Variants in TRIM33 observed in about 807,000 individuals in gnomAD.
The protein encoded by TRIM33 is E3 ubiquitin-protein ligase TRIM33.
TRIM33 carries 20 observed loss-of-function variants against 125.4 expected under a neutral mutation model. That is an observed-to-expected ratio of 0.16 (90% confidence interval 0.11 to 0.23). The LOEUF (loss-of-function observed/expected upper bound fraction) is 0.23, where lower values mean the gene tolerates loss of function less well. TRIM33 is among the 10% of genes least tolerant of loss of function. TRIM33 has a pLI of 1.00. For missense variants in TRIM33, 920 were observed against 1,411.4 expected (o/e 0.65, Z 5.58); for synonymous variants, 564 against 513.9 (o/e 1.10, Z -1.32).
At position 114,478,675 on chromosome 1, in the gene TRIM33, A is replaced by G. The variant is rs1651117403; in HGVS notation, c.527-14287T>C. ...AAAGCCTCAACAAATAAGAAGTCTT[A>G]AGAGCGAACTATAAAAAGAAGCCAC... On this transcript the variant is annotated intron_variant, in intron 1 of 19. Coordinates refer to ENST00000358465, the MANE Select transcript of TRIM33 (RefSeq NM_015906.4). 2.0e-5 allele frequency among the ~76,000 whole-genome samples: 3 copies of G among 152,242 alleles called. 1 individual carries two copies. Among genetic ancestry groups the G allele is most frequent in the Admixed American group, 2.0e-4 (3 of 15,290 alleles).
At chr1:114,461,814 G>A (rs1353080658) in intron 4 of TRIM33, among the ~76,000 whole-genome samples, 1 of 152,100 alleles carries the variant, frequency 6.6e-6, no homozygotes, top group African/African-American at 2.4e-5. Flanking sequence ...GTCTTACTGA[G>A]ACTGTTAGCA....
At chr1:114,439,425 C>T (rs1312622489) in intron 4 of TRIM33, among the ~76,000 whole-genome samples, 3 of 133,772 alleles carry the variant, frequency 2.2e-5, no homozygotes, top group East Asian at 2.3e-4. Context: ...GCCAAGATTG[C>T]GCCACGGCAC....
In TRIM33 at chr1:114,439,537, C is replaced by CAA. The variant is rs71090776; in HGVS notation, c.924-5806_924-5805dup. Among the ~76,000 whole-genome samples the CAA allele has an allele frequency of 8.9e-4, 112 of 125,488 alleles. 1 individual carries two copies. Among genetic ancestry groups the CAA allele is most frequent in the Middle Eastern group, 4.2e-3 (1 of 238 alleles). The allele number at this position is 125,488 out of a possible 152,430, so 82.3% of individuals were successfully genotyped here. A position where few individuals can be genotyped will look rare whatever the true frequency, so the allele number is the denominator to read the frequency against. ...TCCTACCCAAAATGAAGCCCTCCAT[C>CAA]AAAAAAAAAACAGTGAGCAGTGAAA... On this transcript the variant is annotated intron_variant, in intron 4 of 19. Coordinates refer to ENST00000358465, the MANE Select transcript of TRIM33 (RefSeq NM_015906.4).
chr1:114,418,314 C>T (rs999505476), intron 11 of TRIM33, among the ~76,000 whole-genome samples: 3 of 152,210 alleles, frequency 2.0e-5, no homozygotes, highest in Middle Eastern at 3.2e-3. Context: ...GATTACAATT[C>T]GAGGTGAGAT....
intron 4 of TRIM33, among the ~76,000 whole-genome samples, chr1:114,461,897 A>C (rs1179401514): frequency 6.6e-6 from 1 of 152,246 alleles, no homozygotes; most frequent in Non-Finnish European, 1.5e-5. Flanking sequence ...AAATTTAATA[A>C]ATATACTGTA....
Position 114,510,929 on chromosome 1 carries a change from C to T in TRIM33, c.148G>A (p.Gly50Ser). 1.4e-6 allele frequency: 2 copies of T among 1,420,284 alleles called. No homozygotes were observed. Among genetic ancestry groups the T allele is most frequent in the Non-Finnish European group, 1.8e-6 (2 of 1,091,222 alleles). 88.0% of individuals were successfully genotyped at this position (1,420,284 alleles called of 1,614,324 possible). Residue 50 changes from glycine to serine, a missense_variant, in exon 1 of 20, where the codon GGC becomes AGC. Gly to Ser is a moderately conservative substitution (Grantham distance 56). Transcript: ENST00000358465. Reference sequence around the variant, plus strand: ...CCGCCCTCAGCGCCGGCCCTGCCGCCTTCCTCCTCCTCCTCCTCCACCAGC... The same window carrying T: ...CCGCCCTCAGCGCCGGCCCTGCCGCTTTCCTCCTCCTCCTCCTCCACCAGC... ...AVLVEEEEEEGGRAGAEGGAA... is the reference protein window; with the variant it reads ...AVLVEEEEEESGRAGAEGGAA...
At position 114,427,912 on chromosome 1, in the gene TRIM33, C is replaced by T. The variant is rs1169853670; in HGVS notation, c.1156-18G>A. 6.2e-7 allele frequency: 1 copy of T among 1,612,788 alleles called. No homozygotes were observed. Among genetic ancestry groups the T allele is most frequent in the Non-Finnish European group, 8.5e-7 (1 of 1,179,176 alleles). Reference sequence around the variant, plus strand: ...GTAACATTCTGAAACAGAACAAGAGCTTCGCTGTAGAATTCCATATGAAAA... The same window carrying T: ...GTAACATTCTGAAACAGAACAAGAGTTTCGCTGTAGAATTCCATATGAAAA... On this transcript the variant is annotated intron_variant, in intron 6 of 19. Coordinates refer to ENST00000358465, the MANE Select transcript of TRIM33 (RefSeq NM_015906.4).
chr1:114,420,299 T>C (rs749611180), intron 11 of TRIM33: 10 of 673,912 alleles, frequency 1.5e-5, no homozygotes, highest in African/African-American at 3.7e-5. Flanking sequence ...GTGTCTACTA[T>C]CTTGGCCTTC....
intron 10 of TRIM33, among the ~76,000 whole-genome samples, chr1:114,423,646 T>C (rs1647345782): frequency 6.6e-6 from 1 of 151,980 alleles, no homozygotes. Context: ...GCAATCCTCC[T>C]GCCTCGGCCT....
At chr1:114,487,480 T>C (rs897435814) in intron 1 of TRIM33, among the ~76,000 whole-genome samples, 3 of 150,790 alleles carry the variant, frequency 2.0e-5, no homozygotes, top group African/African-American at 4.9e-5. Flanking sequence ...AAAAAATATA[T>C]AAAAATTTGT....
intron 1 of TRIM33, among the ~76,000 whole-genome samples, chr1:114,485,720 G>GT (rs1309516852): frequency 1.3e-5 from 2 of 152,182 alleles, no homozygotes; most frequent in Non-Finnish European, 2.9e-5. Context: ...CAAGGGGAAG[G>GT]TGAACATACA....
At chr1:114,483,715 G>C (rs1651494594) in intron 1 of TRIM33, among the ~76,000 whole-genome samples, 1 of 152,032 alleles carries the variant, frequency 6.6e-6, no homozygotes, top group Admixed American at 6.6e-5. Flanking sequence ...CCCGGCCCCA[G>C]TTGGTTTTAA....
chr1:114,439,830 A>G (rs1242084992), intron 4 of TRIM33, among the ~76,000 whole-genome samples: 1 of 152,208 alleles, frequency 6.6e-6, no homozygotes, highest in Non-Finnish European at 1.5e-5. Flanking sequence ...ATACAAATGA[A>G]CAAAAATAAA....
At chr1:114,404,793 ATTTGAGAAGATATAT>A (rs1652124444) in intron 15 of TRIM33, 1 of 150,494 alleles carries the variant, frequency 6.6e-6, no homozygotes, top group Non-Finnish European at 1.5e-5. Context: ...CTTCTCAGGA[ATTTGAGAAGATATAT>A]CTTTTTTTTT....
Position 114,397,626 on chromosome 1 carries a change from A to ATTTTTT in TRIM33, c.*21_*22insAAAAAA. 4 of 1,242,254 alleles carry ATTTTTT rather than the reference A, an allele frequency of 3.2e-6. No individual in the cohort carries two copies. The highest frequency in any genetic ancestry group is 4.4e-6 in the Non-Finnish European group (4 of 905,412). 77.0% of individuals were successfully genotyped at this position (1,242,254 alleles called of 1,614,324 possible). ...TTTTTCGTTTTTTTTTTTTTAAACA[A>ATTTTTT]TTGATTTAAATCCATGTCATTTTAC... On this transcript the variant is annotated 3_prime_UTR_variant, in exon 20 of 20. Coordinates refer to ENST00000358465, the MANE Select transcript of TRIM33 (RefSeq NM_015906.4).
At position 114,397,589 on chromosome 1, in the gene TRIM33, G is replaced by GTTTTGTTTT; in HGVS notation, c.*58_*59insAAAACAAAA. On this transcript the variant is annotated 3_prime_UTR_variant, in exon 20 of 20. Transcript: ENST00000358465. ...CTTAAAAGTTTTCTGGGTTTTTTGT[G>GTTTTGTTTT]TTTTTTTTTTTTTTTTCGTTTTTTT... 1.6e-6 allele frequency: 1 copy of GTTTTGTTTT among 637,680 alleles called. No homozygotes were observed. Among genetic ancestry groups the GTTTTGTTTT allele is most frequent in the Non-Finnish European group, 2.4e-6 (1 of 424,412 alleles). 39.5% of individuals were successfully genotyped at this position (637,680 alleles called of 1,614,324 possible). A position where few individuals can be genotyped will look rare whatever the true frequency, so the allele number is the denominator to read the frequency against.
chr1:114,420,310 T>G (rs1377823380), intron 11 of TRIM33: 5 of 870,550 alleles, frequency 5.7e-6, no homozygotes, highest in African/African-American at 1.7e-5. Context: ...CTTGGCCTTC[T>G]AACCCCATCC....
At chr1:114,445,286 T>C (rs1648907816) in intron 4 of TRIM33, among the ~76,000 whole-genome samples, 1 of 152,112 alleles carries the variant, frequency 6.6e-6, no homozygotes, top group African/African-American at 2.4e-5. Flanking sequence ...CAAGCTGGAG[T>C]GAGCACAGTG....
intron 11 of TRIM33, among the ~76,000 whole-genome samples, chr1:114,413,901 C>T (rs902346040): frequency 1.3e-5 from 2 of 152,004 alleles, no homozygotes; most frequent in African/African-American, 4.8e-5. Context: ...GTAGCATGTG[C>T]CCGTAGTCCC....
Sources: gnomAD v4.1 joint callset for allele counts (sites outside exome capture counted in the v4.1 genomes callset) on GRCh38, gnomAD v4.1.1 for gene constraint, MANE v1.5 for transcripts, NCBI Gene and HGNC (gene_info 2026-07-23, HGNC 2026-07-21) for gene names.